UBN2: variants seen among roughly 807,000 people sequenced by gnomAD.
UBN2 encodes the protein ubinuclein-2.
A neutral mutation model predicts 120.2 loss-of-function variants in UBN2; 35 were observed. The ratio of observed to expected loss-of-function variants is 0.29; its 90% CI spans 0.22 to 0.39. The LOEUF (loss-of-function observed/expected upper bound fraction) is 0.39. Among genes scored for constraint, UBN2 ranks in the 10% least tolerant of loss-of-function variants. The probability of loss-of-function intolerance (pLI) is 1.00; values close to 1 mark genes in which losing one functional copy is unlikely to be tolerated. For synonymous variants in UBN2, 661 were observed against 648.7 expected, an observed-to-expected ratio of 1.02 and a Z score of -0.29; for missense variants, 1,693 against 1,663.2, an observed-to-expected ratio of 1.02 and a Z score of -0.31.
chr7:139,293,187 G>T (rs1220648966), intron 15 of UBN2, 45 bp from the exon 16 acceptor site: 5 of 1,460,380 alleles, frequency 3.4e-6, no homozygotes, highest in African/African-American at 1.4e-5. Flanking sequence ...AATCAATTTG[G>T]GTTGCTTTAT....
At chr7:139,235,423 T>A (rs1279046053) in intron 1 of UBN2, among the ~76,000 whole-genome samples, 2 of 152,190 alleles carry the variant, frequency 1.3e-5, no homozygotes, top group Non-Finnish European at 2.9e-5. Context: ...TGAGATGAAG[T>A]CTCACTCTGT....
rs1395864170 is a variant in UBN2 at position 139,231,584 on chromosome 7, G to A, written c.100G>A (p.Glu34Lys). The A allele has an allele frequency of 1.1e-5, 15 of 1,396,458 alleles. No individual in the cohort carries two copies. Among genetic ancestry groups the A allele is most frequent in the African/African-American group, 1.5e-5 (1 of 67,572 alleles). The allele number at this position is 1,396,458 out of a possible 1,614,324, so 86.5% of individuals were successfully genotyped here. ...GPEREPEYPR[E>K]PPRLEPQPYR... ...CGAGCGTGAGCCCGAGTACCCCCGC[G>A]AGCCCCCCCGGCTGGAGCCGCAGCC... The change falls in exon 1 of 18, where the codon GAG becomes AAG. Residue 34 changes from glutamate (E) to lysine (K), a missense_variant. Transcript: ENST00000473989.
chr7:139,296,187 T>C (rs1259294570), intron 17 of UBN2, among the ~76,000 whole-genome samples: 3 of 152,224 alleles, frequency 2.0e-5, no homozygotes, highest in African/African-American at 7.2e-5. Flanking sequence ...TTGATTAATT[T>C]TATTTAGTCT....
At chr7:139,269,092 C>G (rs983952760) in intron 7 of UBN2, among the ~76,000 whole-genome samples, 1 of 152,020 alleles carries the variant, frequency 6.6e-6, no homozygotes, top group Non-Finnish European at 1.5e-5. Flanking sequence ...GCCTGTAATC[C>G]TGGCTACCTG....
At chr7:139,293,661 C>T in intron 16 of UBN2, 198 bp downstream of exon 16, 1 of 637,612 alleles carries the variant, frequency 1.6e-6, no homozygotes, top group Non-Finnish European at 2.7e-6. Flanking sequence ...TTTAAGCTAT[C>T]TATACCACAT....
downstream of UBN2, among the ~76,000 whole-genome samples, chr7:139,312,794 A>G (rs933224562): frequency 6.6e-6 from 1 of 152,114 alleles, no homozygotes; most frequent in Admixed American, 6.6e-5. Context: ...TCACCTTTTC[A>G]TTTACAATCC....
At chr7:139,270,581 A>G (rs538953663) in intron 8 of UBN2, among the ~76,000 whole-genome samples, 143 of 151,366 alleles carry the variant, frequency 9.4e-4, no homozygotes, top group Admixed American at 4.7e-3. Context: ...AAACACATTC[A>G]TTTTTTACTG....
In UBN2 at chr7:139,283,693, C is replaced by A. The variant is rs1216090836; in HGVS notation, c.2788C>A (p.His930Asn). 1 of 1,614,136 alleles carries A rather than the reference C, an allele frequency of 6.2e-7. No homozygotes were observed. Among genetic ancestry groups the A allele is most frequent in the Admixed American group, 1.7e-5 (1 of 60,024 alleles). ...TTCGTTAACACAAGTAACAAAGGTG[C>A]ACCAGCATTCAGCTGTCCAGCAGAA... ...ASSLTQVTKV[H>N]QHSAVQQNYV... The change falls in exon 15 of 18, where the codon CAC becomes AAC. Residue 930 changes from histidine (H) to asparagine (N), a missense_variant. Physicochemically the swap from His to Asn is moderately conservative, Grantham distance 68. Coordinates refer to ENST00000473989, the MANE Select transcript of UBN2 (RefSeq NM_173569.4).
chr7:139,231,478 A>T lies in UBN2; in HGVS notation c.-7A>T. ...TCGAGCAAAAGCGGAGGGCCAGAACAGTGGGGATGGCGGAGCCGCGCAGAG... is the reference window on the plus strand; with the variant it reads ...TCGAGCAAAAGCGGAGGGCCAGAACTGTGGGGATGGCGGAGCCGCGCAGAG... On this transcript the variant is annotated 5_prime_UTR_variant, in exon 1 of 18. Transcript: ENST00000473989. 7.3e-7 allele frequency: 1 copy of T among 1,362,826 alleles called. No homozygotes were observed. The highest frequency in any genetic ancestry group is 9.5e-7 in the Non-Finnish European group (1 of 1,050,814). 84.4% of individuals were successfully genotyped at this position (1,362,826 alleles called of 1,614,324 possible).
chr7:139,283,801 T>C lies in UBN2; in HGVS notation c.2896T>C (p.Cys966Arg). 4 of 1,614,082 alleles carry C rather than the reference T, an allele frequency of 2.5e-6. No individual in the cohort carries two copies. The highest frequency in any genetic ancestry group is 3.4e-6 in the Non-Finnish European group (4 of 1,180,024). The change falls in exon 15 of 18, where the codon TGT (cysteine) becomes CGT (arginine). Residue 966 changes from cysteine (C) to arginine (R), a missense_variant. Around this residue, in one of 5 missense-constraint regions of UBN2, gnomAD observed 837 missense variants for 817.6 expected, o/e 1.02. Transcript: ENST00000473989. ...VKLSNNPQLS[C>R]SSSLIKTSDK... ...GTTAAGTAATAATCCCCAACTCTCC[T>C]GTTCCTCCTCACTTATTAAGACTTC...
chr7:139,320,290 C>G, the UBN2 span, among the ~76,000 whole-genome samples: 3 of 151,438 alleles, frequency 2.0e-5, no homozygotes, highest in Non-Finnish European at 4.4e-5. Flanking sequence ...GGTGAAACCC[C>G]GTCTCTACTA....
chr7:139,239,032 T>TA (rs1254811756), intron 2 of UBN2, among the ~76,000 whole-genome samples: 6 of 152,212 alleles, frequency 3.9e-5, no homozygotes, highest in Admixed American at 3.3e-4. Context: ...CTAGTACACT[T>TA]ATGTGGCTCA....
At chr7:139,267,502 C>T (rs186886596) in intron 7 of UBN2, among the ~76,000 whole-genome samples, 13 of 150,808 alleles carry the variant, frequency 8.6e-5, no homozygotes, top group Non-Finnish European at 1.0e-4. Flanking sequence ...TGCCACTGTA[C>T]CCCAACCTGG....
chr7:139,315,817 C>T, the UBN2 span, among the ~76,000 whole-genome samples: 1 of 152,110 alleles, frequency 6.6e-6, no homozygotes. Context: ...TGGCTCACAC[C>T]TGTAATCTCA....
chr7:139,253,239 C>T (rs1796668181), intron 3 of UBN2, among the ~76,000 whole-genome samples: 1 of 93,860 alleles, frequency 1.1e-5, no homozygotes, highest in African/African-American at 1.2e-4. Context: ...CATCTGGGTG[C>T]ATTTATCTAC....
chr7:139,327,110 C>T, the UBN2 span, among the ~76,000 whole-genome samples: 10 of 152,156 alleles, frequency 6.6e-5, no homozygotes, highest in African/African-American at 2.2e-4. Context: ...CTCAGCTCAC[C>T]GCAACCTCCG....
Position 139,258,473 on chromosome 7 carries a change from TG to T in UBN2, c.664-14del. 1 of 1,538,412 alleles carries T rather than the reference TG, an allele frequency of 6.5e-7. No individual in the cohort carries two copies. The highest frequency in any genetic ancestry group is 8.8e-7 in the Non-Finnish European group (1 of 1,139,444). On this transcript the variant is annotated splice_polypyrimidine_tract_variant and intron_variant, in intron 3 of 17. Coordinates refer to ENST00000473989, the MANE Select transcript of UBN2 (RefSeq NM_173569.4). ...CAACAGGATATAGCGGAAACTTTTT[TG>T]TTTTTTAATCTAGTATGATGAATTA...
Position 139,297,963 on chromosome 7 carries a change from T to C in UBN2, c.*127T>C, listed in dbSNP as rs1798158290. The C allele has an allele frequency of 9.8e-7, 1 of 1,016,184 alleles. No homozygotes were observed. The highest frequency in any genetic ancestry group is 1.6e-5 in the African/African-American group (1 of 61,372). The allele number at this position is 1,016,184 out of a possible 1,614,324, so 62.9% of individuals were successfully genotyped here. A position where few individuals can be genotyped will look rare whatever the true frequency, so the allele number is the denominator to read the frequency against. On this transcript the variant is annotated 3_prime_UTR_variant, in exon 18 of 18. Transcript: ENST00000473989. ...TTACATTCTCTCGTCCCAAGCACTG[T>C]GGTGAGGAGGAAAAAGAAAAGAAAA...
chr7:139,268,832 A>G (rs1797176609), intron 7 of UBN2, among the ~76,000 whole-genome samples: 1 of 152,248 alleles, frequency 6.6e-6, no homozygotes, highest in Non-Finnish European at 1.5e-5. Flanking sequence ...AACCCAAAAA[A>G]TATTTCCAGC....
Sources: gnomAD v4.1 joint callset for allele counts (sites outside exome capture counted in the v4.1 genomes callset) on GRCh38, gnomAD v4.1.1 for gene constraint, gnomAD v4.1.1 regional missense constraint, MANE v1.5 for transcripts, NCBI Gene and HGNC (gene_info 2026-07-23, HGNC 2026-07-21) for gene names.